Variants in BCAN observed in about 807,000 individuals in gnomAD.
BCAN encodes brevican core protein.
A neutral mutation model predicts 92.4 loss-of-function variants in BCAN; 51 were observed. The ratio of observed to expected loss-of-function variants is 0.55; its 90% CI spans 0.44 to 0.70. The LOEUF (loss-of-function observed/expected upper bound fraction) is 0.70, where lower values mean the gene tolerates loss of function less well. Ranked by LOEUF, BCAN falls within the 30% of genes least tolerant of loss-of-function variation. The pLI is 0.00. For missense variants in BCAN, 1,140 were observed against 1,212.1 expected, an observed-to-expected ratio of 0.94 and a Z score of 0.88; for synonymous variants, 501 against 505.2, an observed-to-expected ratio of 0.99 and a Z score of 0.11.
At position 156,652,567 on chromosome 1, in the gene BCAN, T is replaced by C. The variant is rs756004391; in HGVS notation, c.1617T>C (p.Pro539=). ...GGCCTCCAAGGGTCCATGGACCACCTACTGAGACTCTGCCCACTCCCAGGG... is the reference window on the plus strand; with the variant it reads ...GGCCTCCAAGGGTCCATGGACCACCCACTGAGACTCTGCCCACTCCCAGGG... ...ASRPPRVHGP[P]TETLPTPRER... The change falls in exon 8 of 14, where the codon CCT becomes CCC. Residue 539 remains proline, a synonymous_variant. Coordinates refer to ENST00000329117, the MANE Select transcript of BCAN (RefSeq NM_021948.5). 3 of 1,614,078 alleles carry C rather than the reference T, an allele frequency of 1.9e-6. No homozygotes were observed. Among genetic ancestry groups the C allele is most frequent in the South Asian group, 2.2e-5 (2 of 91,064 alleles).
rs768055741 is a variant in BCAN at position 156,658,564 on chromosome 1, A to G, written c.2459A>G (p.Glu820Gly). 14 of 1,613,846 alleles carry G rather than the reference A, an allele frequency of 8.7e-6. 1 individual carries two copies. In the South Asian group the frequency reaches 1.5e-4, roughly 18 times the overall value. ...MGLVSCGPPPELPLAQVFGRP... is the reference protein window; with the variant it reads ...MGLVSCGPPPGLPLAQVFGRP... ...GCAGTGTCCTGTGGGCCGCCACCGG[A>G]GCTGCCCCTGGCTCAAGTGTTCGGC... Residue 820 changes from glutamate (E) to glycine (G), a missense_variant, in exon 13 of 14, where the codon GAG becomes GGG. This residue lies in a region of BCAN where 825 missense variants were observed against 871.8 expected (regional missense o/e 0.95). Transcript: ENST00000329117. This position sits in a 1 kb window ranked among gnomAD's most constrained non-coding sequence, Gnocchi z 4.4.
chr1:156,647,024 G>A lies in BCAN; in HGVS notation c.315G>A (p.Arg105=). 6.2e-7 allele frequency: 1 copy of A among 1,612,900 alleles called. No individual in the cohort carries two copies. The highest frequency in any genetic ancestry group is 8.5e-7 in the Non-Finnish European group (1 of 1,179,436). The part of the protein sequence containing the change: ...GVRVKVNEAY[R]FRVALPAYPA... ...GCGTCAAGGTGAACGAGGCCTACCG[G>A]TTCCGCGTGGCACTGCCTGCGTACC... The change falls in exon 3 of 14, where the codon CGG becomes CGA. Residue 105 remains arginine, a synonymous_variant. Coordinates refer to ENST00000329117, the MANE Select transcript of BCAN (RefSeq NM_021948.5). The surrounding 1 kb of genome is among the most constrained non-coding windows in gnomAD (Gnocchi z 4.8).
rs762764723 is a variant in BCAN, at chr1:156,646,821, C to G, written c.112C>G (p.Arg38Gly). The G allele has an allele frequency of 6.4e-7, 1 of 1,569,598 alleles. No individual in the cohort carries two copies. ...DSSEDRAFRV[R>G]IAGDAPLQGV... Reference sequence around the variant, plus strand: ...CACAGAGGACCGCGCTTTTCGCGTGCGCATCGCGGGCGACGCGCCACTGCA... The same window carrying G: ...CACAGAGGACCGCGCTTTTCGCGTGGGCATCGCGGGCGACGCGCCACTGCA... The change falls in exon 3 of 14, where the codon CGC becomes GGC. Residue 38 changes from arginine (R) to glycine (G), a missense_variant. Arg to Gly is a moderately radical substitution (Grantham distance 125). Around this residue, in one of 3 missense-constraint regions of BCAN, gnomAD observed 286 missense variants for 284.1 expected, o/e 1.01. Coordinates refer to ENST00000329117, the MANE Select transcript of BCAN (RefSeq NM_021948.5).
rs973777447 is a variant in BCAN at position 156,652,836 on chromosome 1, C to A, written c.1886C>A (p.Pro629Gln). Residue 629 changes from proline to glutamine, a missense_variant, in exon 8 of 14, where the codon CCA (proline) becomes CAA (glutamine). By Grantham distance (76) the Pro-to-Gln change is moderately conservative. Coordinates refer to ENST00000329117, the MANE Select transcript of BCAN (RefSeq NM_021948.5). ...APAGTSVQAQ[P>Q]VLPTDSASRG... ...GCAGGGACCTCAGTGCAGGCCCAGC[C>A]AGTGCTGCCCACTGACAGCGCCAGC... 2 of 1,613,894 alleles carry A rather than the reference C, an allele frequency of 1.2e-6. No individual in the cohort carries two copies. The highest frequency in any genetic ancestry group is 1.7e-6 in the Non-Finnish European group (2 of 1,180,000).
intron 10 of BCAN, 87 bp downstream of exon 10, chr1:156,657,183 G>C: frequency 2.0e-6 from 3 of 1,506,012 alleles, no homozygotes; most frequent in Non-Finnish European, 1.8e-6. Flanking sequence ...ATTAACCCAT[G>C]CACTTATTCC....
At chr1:156,657,250 C>T (rs1490184558) in intron 10 of BCAN, 154 bp downstream of exon 10, 14 of 1,026,426 alleles carry the variant, frequency 1.4e-5, no homozygotes, top group Non-Finnish European at 1.7e-5. Context: ...TTCTCATTCT[C>T]TCTCCCTTCC....
chr1:156,646,655 GGCCCCT>G (rs767167576), intron 2 of BCAN, 140 bp from the exon 3 acceptor site: 1 of 788,056 alleles, frequency 1.3e-6, no homozygotes, highest in Admixed American at 7.1e-5. Flanking sequence ...GCAGGACCCT[GGCCCCT>G]GGCCCCTGGC....
At chr1:156,652,026 G>T (rs1302269383) in intron 7 of BCAN, among the ~76,000 whole-genome samples, 2 of 152,178 alleles carry the variant, frequency 1.3e-5, no homozygotes, top group Non-Finnish European at 2.9e-5. Context: ...ATGTTCTCCG[G>T]GGCTAATGAT....
At chr1:156,653,090 C>T (rs115315174) in intron 8 of BCAN, 198 bp downstream of exon 8, 15,874 of 1,430,680 alleles carry the variant, frequency 0.011, 120 homozygotes, top group South Asian at 0.017. Flanking sequence ...CAGCTCTCCG[C>T]GTCTTTACCC....
intron 8 of BCAN, among the ~76,000 whole-genome samples, chr1:156,655,579 G>A (rs1460899359): frequency 6.6e-6 from 1 of 152,220 alleles, no homozygotes; most frequent in Admixed American, 6.5e-5. Flanking sequence ...GGGAGCTGCT[G>A]CGACTTAGTT....
At chr1:156,646,230 G>A (rs139302363) in intron 2 of BCAN, 85 bp downstream of exon 2, 7 of 1,289,980 alleles carry the variant, frequency 5.4e-6, no homozygotes, top group Non-Finnish European at 7.6e-6. Flanking sequence ...CAGGAAGAGA[G>A]AGAATTGGAG....
chr1:156,656,677 T>C (rs1389779482), intron 9 of BCAN: 1 of 538,320 alleles, frequency 1.9e-6, no homozygotes, highest in Non-Finnish European at 3.3e-6. Context: ...GAGCCACTGC[T>C]CGTTAGGATG....
chr1:156,655,663 C>T (rs1679299781), intron 8 of BCAN, among the ~76,000 whole-genome samples: 1 of 152,168 alleles, frequency 6.6e-6, no homozygotes, highest in African/African-American at 2.4e-5. Flanking sequence ...ACTTCTGGGA[C>T]TGGCTGACTG....
intron 8 of BCAN, among the ~76,000 whole-genome samples, chr1:156,654,874 A>G (rs1679283146): frequency 6.6e-6 from 1 of 152,216 alleles, no homozygotes; most frequent in South Asian, 2.1e-4. Flanking sequence ...AGGAGGGAAG[A>G]TGACAGAAGG....
rs1679353201 is a variant in BCAN at position 156,656,940 on chromosome 1, C to T, written c.2053C>T (p.Leu685Phe). The change falls in exon 10 of 14, where the codon CTC becomes TTC. Residue 685 changes from leucine to phenylalanine, a missense_variant and splice_region_variant. Leu to Phe is a conservative substitution (Grantham distance 22). This residue lies in a region of BCAN where 825 missense variants were observed against 871.8 expected (regional missense o/e 0.95). Coordinates refer to ENST00000329117, the MANE Select transcript of BCAN (RefSeq NM_021948.5). ...GYGGDLCDVG[L>F]RFCNPGWDAF... ...ATGCCCGCCCTTATGTGCCGCAGGC[C>T]TCCGCTTCTGCAACCCCGGCTGGGA... 2 of 1,613,490 alleles carry T rather than the reference C, an allele frequency of 1.2e-6. No individual in the cohort carries two copies. Among genetic ancestry groups the T allele is most frequent in the Admixed American group, 1.7e-5 (1 of 60,018 alleles).
rs763602865 is a variant in BCAN at position 156,652,721 on chromosome 1, G to A, written c.1771G>A (p.Ala591Thr). 1.2e-6 allele frequency: 2 copies of A among 1,604,182 alleles called. No individual in the cohort carries two copies. The highest frequency in any genetic ancestry group is 2.2e-5 in the East Asian group (1 of 44,712). ...ESEETGSSEG[A>T]PSLLPATRAP... The stretch of plus-strand genomic sequence containing the variant: ...CGAGGAGACAGGAAGCTCCGAGGGT[G>A]CCCCTTCCCTGCTTCCAGCCACACG... Residue 591 changes from alanine to threonine, a missense_variant, in exon 8 of 14, where the codon GCC (alanine) becomes ACC (threonine). By Grantham distance (58) the Ala-to-Thr change is moderately conservative. Around this residue, in one of 3 missense-constraint regions of BCAN, gnomAD observed 825 missense variants for 871.8 expected, o/e 0.95. Coordinates refer to ENST00000329117, the MANE Select transcript of BCAN (RefSeq NM_021948.5).
chr1:156,659,305 C>A lies in BCAN; in HGVS notation c.*171C>A. 1.7e-6 allele frequency: 1 copy of A among 582,986 alleles called. No homozygotes were observed. The allele number at this position is 582,986 out of a possible 1,614,324, so 36.1% of individuals were successfully genotyped here. On this transcript the variant is annotated 3_prime_UTR_variant, in exon 14 of 14. Transcript: ENST00000329117. ...TGGGAAATACCTAGGAGGCTCCAGC[C>A]CAGCCCAGGCCCTCTCCCCCTACCC...
chr1:156,658,852 C>G lies in BCAN; in HGVS notation c.2628+119C>G. ...ACCTTGGAGCCATCACTGCCCCTCT[C>G]TGAGGCAAAGGGGAAGAGGTGGGCT... On this transcript the variant is annotated intron_variant, in intron 13 of 13. Coordinates refer to ENST00000329117, the MANE Select transcript of BCAN (RefSeq NM_021948.5). This position sits in a 1 kb window ranked among gnomAD's most constrained non-coding sequence, Gnocchi z 4.4. 1 of 1,459,208 alleles carries G rather than the reference C, an allele frequency of 6.9e-7. No homozygotes were observed. 90.4% of individuals were successfully genotyped at this position (1,459,208 alleles called of 1,614,324 possible). A position where few individuals can be genotyped will look rare whatever the true frequency, so the allele number is the denominator to read the frequency against.
intron 7 of BCAN, 51 bp downstream of exon 7, chr1:156,651,740 G>C: frequency 6.7e-7 from 1 of 1,492,522 alleles, no homozygotes; most frequent in Non-Finnish European, 9.1e-7. Flanking sequence ...GAAGTTGGGG[G>C]CAGAAGAGGC....
Sources: allele counts gnomAD v4.1 joint callset (sites outside exome capture counted in the v4.1 genomes callset), GRCh38; gene constraint gnomAD v4.1.1; regional missense constraint gnomAD v4.1.1; non-coding constraint Gnocchi (gnomAD v3.1); transcripts MANE v1.5; gene names NCBI Gene and HGNC (gene_info 2026-07-23, HGNC 2026-07-21).